The following RAB3IP variants were observed in gnomAD, a reference collection of about 807,000 sequenced individuals.
RAB3IP encodes rab-3A-interacting protein.
In RAB3IP, 36 loss-of-function variants were observed where a neutral mutation model predicts 59.1. The ratio of observed to expected loss-of-function variants is 0.61; its 90% CI spans 0.47 to 0.80. RAB3IP has a LOEUF of 0.80. Among genes scored for constraint, RAB3IP ranks in the 30% least tolerant of loss-of-function variants. The pLI, the probability that RAB3IP is intolerant of heterozygous loss-of-function variation, is 0.00. For synonymous variants in RAB3IP, 207 were observed against 191.2 expected, an observed-to-expected ratio of 1.08 and a Z score of -0.68; for missense variants, 511 against 536.0, an observed-to-expected ratio of 0.95 and a Z score of 0.46.
intron 8 of RAB3IP, among the ~76,000 whole-genome samples, chr12:69,802,182 C>A (rs1455927027): frequency 1.3e-5 from 2 of 151,382 alleles, no homozygotes; most frequent in African/African-American, 4.9e-5. Context: ...GCCATGTGTC[C>A]TGGGTTTCTG....
intron 6 of RAB3IP, chr12:69,795,884 A>G (rs1877360896): frequency 1.3e-5 from 2 of 154,656 alleles, no homozygotes; most frequent in Middle Eastern, 3.4e-3. Context: ...AAGTTATAGT[A>G]GAACAATTAG....
chr12:69,743,001 C>A (rs576721691), intron 1 of RAB3IP, among the ~76,000 whole-genome samples: 1 of 152,216 alleles, frequency 6.6e-6, no homozygotes, highest in South Asian at 2.1e-4. Context: ...TGATGCTTGT[C>A]GTTAACAGTA....
intron 8 of RAB3IP, among the ~76,000 whole-genome samples, chr12:69,805,576 G>A (rs1482560835): frequency 1.3e-5 from 2 of 151,014 alleles, no homozygotes; most frequent in Non-Finnish European, 3.0e-5. Flanking sequence ...TCTTGTGCCA[G>A]TTTTCAAAGG....
chr12:69,751,698 T>C (rs1869331186), intron 1 of RAB3IP, among the ~76,000 whole-genome samples: 1 of 152,154 alleles, frequency 6.6e-6, no homozygotes, highest in South Asian at 2.1e-4. Flanking sequence ...GTTGTGACTT[T>C]TTTCACTTCC....
Position 69,817,325 on chromosome 12 carries a change from C to T in RAB3IP, c.*1879C>T, listed in dbSNP as rs1881231361. On this transcript the variant is annotated 3_prime_UTR_variant, in exon 11 of 11. Coordinates refer to ENST00000247833, the MANE Select transcript of RAB3IP (RefSeq NM_022456.5). ...TAAAATTAATGCAACAGGATGACGACTTGATGTAGAAACTATATGTGGAAT... is the reference window on the plus strand; with the variant it reads ...TAAAATTAATGCAACAGGATGACGATTTGATGTAGAAACTATATGTGGAAT... 1 of 151,750 alleles carries T rather than the reference C, an allele frequency of 6.6e-6. No individual in the cohort carries two copies. The highest frequency in any genetic ancestry group is 2.1e-4 in the South Asian group (1 of 4,816). 9.4% of individuals were successfully genotyped at this position (151,750 alleles called of 1,614,324 possible).
chr12:69,766,513 T>TTTTTC (rs1297321608), intron 3 of RAB3IP, among the ~76,000 whole-genome samples: 2 of 126,758 alleles, frequency 1.6e-5, no homozygotes, highest in Non-Finnish European at 3.2e-5. Context: ...CTCTGATTTC[T>TTTTTC]TTTTCTTTTC....
intron 4 of RAB3IP, among the ~76,000 whole-genome samples, chr12:69,792,350 A>G (rs1341798824): frequency 3.3e-5 from 5 of 152,246 alleles, no homozygotes; most frequent in Non-Finnish European, 7.3e-5. Flanking sequence ...AAAGAAAAAC[A>G]AAATGATATG....
chr12:69,766,464 A>G (rs1025381222), intron 3 of RAB3IP, among the ~76,000 whole-genome samples: 2 of 149,792 alleles, frequency 1.3e-5, no homozygotes, highest in African/African-American at 4.9e-5. Flanking sequence ...TTTCAATTGT[A>G]TTTTCAAATT....
At chr12:69,813,709 T>A (rs1880784688) in intron 10 of RAB3IP, among the ~76,000 whole-genome samples, 5 of 151,728 alleles carry the variant, frequency 3.3e-5, no homozygotes, top group South Asian at 4.2e-4. Flanking sequence ...AAAAAAAAAA[T>A]AGCAGATACT....
At chr12:69,756,771 C>G (rs1047468095) in intron 3 of RAB3IP, 108 bp downstream of exon 3, 1 of 902,554 alleles carries the variant, frequency 1.1e-6, no homozygotes, top group Non-Finnish European at 1.7e-6. Context: ...GTACATTTAT[C>G]CGTCACATAT....
In RAB3IP at chr12:69,773,640, C is replaced by T. The variant is rs1211847120; in HGVS notation, c.511-11080C>T. The stretch of plus-strand genomic sequence containing the variant: ...TGTGATCTCATTGTTCAATTCCCAC[C>T]TATGAGTGAGAATATGCGGTGTTTG... On this transcript the variant is annotated intron_variant, in intron 3 of 10. Transcript: ENST00000247833. 4.0e-5 allele frequency among the ~76,000 whole-genome samples: 4 copies of T among 100,222 alleles called. No individual in the cohort carries two copies. In the Admixed American group the frequency reaches 4.7e-4, roughly 12 times the overall value. 65.7% of individuals were successfully genotyped at this position (100,222 alleles called of 152,430 possible).
intron 8 of RAB3IP, among the ~76,000 whole-genome samples, chr12:69,804,325 T>C (rs1365726866): frequency 2.6e-5 from 4 of 152,254 alleles, no homozygotes; most frequent in Non-Finnish European, 5.9e-5. Context: ...TCATATCCTT[T>C]GCCCACTTTT....
At chr12:69,750,630 T>C (rs1014476326) in intron 1 of RAB3IP, among the ~76,000 whole-genome samples, 1 of 151,694 alleles carries the variant, frequency 6.6e-6, no homozygotes, top group African/African-American at 2.4e-5. Flanking sequence ...GATTTTGCTG[T>C]TTTTGTCCCT....
chr12:69,744,197 C>G (rs976573687), intron 1 of RAB3IP, among the ~76,000 whole-genome samples: 1 of 151,998 alleles, frequency 6.6e-6, no homozygotes, highest in East Asian at 1.9e-4. Context: ...CGTGTGTTCT[C>G]ATTGTTCATC....
At chr12:69,813,599 T>A (rs1296685213) in intron 10 of RAB3IP, among the ~76,000 whole-genome samples, 1 of 152,170 alleles carries the variant, frequency 6.6e-6, no homozygotes, top group Non-Finnish European at 1.5e-5. Flanking sequence ...TTAATATTTT[T>A]AATACAATTT....
At chr12:69,755,154 T>C (rs892812186) in intron 1 of RAB3IP, among the ~76,000 whole-genome samples, 17 of 152,186 alleles carry the variant, frequency 1.1e-4, no homozygotes, top group African/African-American at 3.9e-4. Flanking sequence ...TGATCACGGC[T>C]CACTGCAACC....
At chr12:69,814,012 A>G (rs1267720417) in intron 10 of RAB3IP, among the ~76,000 whole-genome samples, 3 of 152,224 alleles carry the variant, frequency 2.0e-5, no homozygotes, top group African/African-American at 7.2e-5. Context: ...TTAACCTAAT[A>G]ACCTGATAAC....
intron 1 of RAB3IP, 39 bp from the exon 2 acceptor site, chr12:69,755,345 T>C: frequency 6.7e-7 from 1 of 1,489,282 alleles, no homozygotes; most frequent in South Asian, 1.2e-5. Context: ...TTAAATGTTA[T>C]TATCTAAAAA....
intron 3 of RAB3IP, among the ~76,000 whole-genome samples, chr12:69,764,615 C>T (rs577246099): frequency 6.6e-6 from 1 of 151,292 alleles, no homozygotes; most frequent in African/African-American, 2.4e-5. Context: ...ATTGCTTTGG[C>T]CATTCAGGCC....
Sources: gnomAD v4.1 joint callset for allele counts (sites outside exome capture counted in the v4.1 genomes callset) on GRCh38, gnomAD v4.1.1 for gene constraint, MANE v1.5 for transcripts, NCBI Gene and HGNC (gene_info 2026-07-23, HGNC 2026-07-21) for gene names.